NALCN: variants seen among roughly 807,000 people sequenced by gnomAD.
NALCN encodes the protein sodium leak channel, non-selective, also known as sodium leak channel NALCN.
In NALCN, 111 loss-of-function variants were observed where a neutral mutation model predicts 225.3. That is an observed-to-expected ratio of 0.49 (90% confidence interval 0.42 to 0.58). The LOEUF is 0.58. Among genes scored for constraint, NALCN ranks in the 20% least tolerant of loss-of-function variants. NALCN has a pLI of 0.00. For synonymous variants in NALCN, 764 were observed against 769.0 expected, an observed-to-expected ratio of 0.99 and a Z score of 0.11; for missense variants, 1,378 against 2,202.4, an observed-to-expected ratio of 0.63 and a Z score of 7.49.
chr13:101,335,836 CTT>C (rs890062648), intron 7 of NALCN, among the ~76,000 whole-genome samples: 34 of 151,782 alleles, frequency 2.2e-4, no homozygotes, highest in African/African-American at 8.0e-4. Flanking sequence ...AGATATATAA[CTT>C]TCTGTTTTCT....
intron 37 of NALCN, among the ~76,000 whole-genome samples, chr13:101,070,939 A>AAAT (rs1470378067): frequency 6.6e-6 from 1 of 152,190 alleles, no homozygotes; most frequent in Non-Finnish European, 1.5e-5. Flanking sequence ...AAGGGGAAGC[A>AAAT]AATATGTTCT....
intron 18 of NALCN, among the ~76,000 whole-genome samples, chr13:101,117,578 CTA>C (rs2035777068): frequency 1.3e-5 from 2 of 152,222 alleles, no homozygotes; most frequent in Non-Finnish European, 2.9e-5. Context: ...CTCCATGGTT[CTA>C]TCTTTCCCAG....
At chr13:101,056,411 C>T (rs2031268361) in intron 43 of NALCN, among the ~76,000 whole-genome samples, 1 of 151,834 alleles carries the variant, frequency 6.6e-6, no homozygotes, top group South Asian at 2.1e-4. Context: ...CAGGTGCACA[C>T]CACTACCGGT....
At chr13:101,254,878 G>C (rs1475063657) in intron 11 of NALCN, among the ~76,000 whole-genome samples, 1 of 111,108 alleles carries the variant, frequency 9.0e-6, no homozygotes, top group South Asian at 3.3e-4. Context: ...GCGACAGAGC[G>C]AGACTCTGTC....
chr13:101,197,180 A>G (rs2039926645), intron 13 of NALCN, among the ~76,000 whole-genome samples: 1 of 151,992 alleles, frequency 6.6e-6, no homozygotes, highest in Non-Finnish European at 1.5e-5. Context: ...CAGATTGGGG[A>G]ATTTGAGTAT....
chr13:101,204,168 T>A (rs2040231515), intron 13 of NALCN, among the ~76,000 whole-genome samples: 1 of 152,212 alleles, frequency 6.6e-6, no homozygotes, highest in Non-Finnish European at 1.5e-5. Flanking sequence ...ATTAGAGATC[T>A]GTTGAAGTCA....
At position 101,104,974 on chromosome 13, in the gene NALCN, AT is replaced by A. The variant is rs1237444983; in HGVS notation, c.2580-25del. 6.2e-7 allele frequency: 1 copy of A among 1,604,538 alleles called. No homozygotes were observed. The highest frequency in any genetic ancestry group is 8.5e-7 in the Non-Finnish European group (1 of 1,172,954). On this transcript the variant is annotated intron_variant, in intron 22 of 43. Transcript: ENST00000251127. This position sits in a 1 kb window ranked among gnomAD's most constrained non-coding sequence, Gnocchi z 4.2. ...ATCTGTAAGAGAACACATATATAAAATTCTGCAACAAAGCAAGCATGTTTTA... is the reference window on the plus strand; with the variant it reads ...ATCTGTAAGAGAACACATATATAAAATCTGCAACAAAGCAAGCATGTTTTA...
intron 1 of NALCN, among the ~76,000 whole-genome samples, chr13:101,414,882 C>A (rs1300800347): frequency 6.6e-6 from 1 of 150,762 alleles, no homozygotes; most frequent in Non-Finnish European, 1.5e-5. Context: ...AACCTTTTCA[C>A]TTTTTAAGTT....
chr13:101,164,858 G>A (rs1479910649), intron 15 of NALCN, among the ~76,000 whole-genome samples: 4 of 152,154 alleles, frequency 2.6e-5, no homozygotes, highest in African/African-American at 9.7e-5. Context: ...TTTACATCAT[G>A]GAAAGTTATG....
At chr13:101,103,454 G>C (rs532986557) in intron 25 of NALCN, 115 bp from the exon 26 acceptor site, 2 of 1,259,298 alleles carry the variant, frequency 1.6e-6, no homozygotes, top group South Asian at 3.0e-5. Context: ...CTCACTGGTT[G>C]TACGTGCCAT....
chr13:101,124,662 C>T lies in NALCN; in HGVS notation c.2138G>A (p.Ser713Asn). ...IDQKLRKSVF[S>N]IRARNLLEKE... ...TTCCAGAAGGTTCCTTGCCCTGATG[C>T]TGAAAACAGACTTGCGAAGCTGAAA... The change falls in exon 18 of 44, where the codon AGC (serine) becomes AAC (asparagine). Residue 713 changes from serine (S) to asparagine (N), a missense_variant. Ser to Asn is a conservative substitution (Grantham distance 46). This residue lies in a region of NALCN where 100 missense variants were observed against 89.4 expected (regional missense o/e 1.12). Transcript: ENST00000251127. 6.2e-7 allele frequency: 1 copy of T among 1,613,954 alleles called. No homozygotes were observed. The highest frequency in any genetic ancestry group is 8.5e-7 in the Non-Finnish European group (1 of 1,179,976).
intron 11 of NALCN, among the ~76,000 whole-genome samples, chr13:101,254,890 C>CAAAAAAAAA (rs149258180): frequency 2.6e-5 from 1 of 38,468 alleles, no homozygotes. Context: ...GACTCTGTCT[C>CAAAAAAAAA]AAAAAAAAAA....
At chr13:101,144,363 T>C (rs1003838237) in intron 16 of NALCN, among the ~76,000 whole-genome samples, 4 of 152,174 alleles carry the variant, frequency 2.6e-5, no homozygotes, top group Admixed American at 6.5e-5. Context: ...CCCTGTTTGC[T>C]TGAAAATAAA....
chr13:101,297,841 C>T (rs527353034), intron 7 of NALCN, among the ~76,000 whole-genome samples: 177 of 152,306 alleles, frequency 1.2e-3, no homozygotes, highest in African/African-American at 4.1e-3. Context: ...TGGCAACTTT[C>T]TTGTTACTCA....
At chr13:101,082,175 G>C (rs1018521163) in intron 33 of NALCN, among the ~76,000 whole-genome samples, 2 of 152,168 alleles carry the variant, frequency 1.3e-5, no homozygotes, top group African/African-American at 2.4e-5. Context: ...AGCATGCTCG[G>C]TTATACTATC....
intron 20 of NALCN, among the ~76,000 whole-genome samples, chr13:101,108,057 G>C (rs2139634418): frequency 6.8e-6 from 1 of 146,072 alleles, no homozygotes; most frequent in Non-Finnish European, 1.5e-5. Context: ...TTTATACTAA[G>C]TATATATTTA....
intron 13 of NALCN, among the ~76,000 whole-genome samples, chr13:101,196,487 AT>A (rs1284250766): frequency 2.0e-5 from 3 of 152,148 alleles, no homozygotes; most frequent in Admixed American, 1.3e-4. Flanking sequence ...CACTTTTAAC[AT>A]TATTATCTAG....
At chr13:101,400,006 C>A (rs77156306) in intron 1 of NALCN, among the ~76,000 whole-genome samples, 2,988 of 152,138 alleles carry the variant, frequency 0.02, 97 homozygotes, top group African/African-American at 0.068. Flanking sequence ...CCTGATGATC[C>A]CTGAGTCGAC....
intron 7 of NALCN, among the ~76,000 whole-genome samples, chr13:101,297,201 C>T (rs750603202): frequency 4.6e-4 from 70 of 152,152 alleles, no homozygotes; most frequent in South Asian, 2.1e-4. Flanking sequence ...TAACTAGCAA[C>T]ACACTACAAA....
Sources: allele counts gnomAD v4.1 joint callset (sites outside exome capture counted in the v4.1 genomes callset), GRCh38; gene constraint gnomAD v4.1.1; regional missense constraint gnomAD v4.1.1; non-coding constraint Gnocchi (gnomAD v3.1); transcripts MANE v1.5; gene names NCBI Gene and HGNC (gene_info 2026-07-23, HGNC 2026-07-21).